The following SYTL5 variants were observed in gnomAD, a reference collection of about 807,000 sequenced individuals.
SYTL5 encodes synaptotagmin-like protein 5.
Under a neutral mutation model 55.9 loss-of-function variants are expected in SYTL5, and 34 were observed. The ratio of observed to expected loss-of-function variants is 0.61; its 90% CI spans 0.46 to 0.81. The LOEUF (loss-of-function observed/expected upper bound fraction) is 0.81, where lower values mean the gene tolerates loss of function less well. Among genes scored for constraint, SYTL5 ranks in the 30% least tolerant of loss-of-function variants. SYTL5 has a pLI of 0.00. For missense variants in SYTL5, 637 were observed against 546.7 expected, an observed-to-expected ratio of 1.17 and a Z score of -1.65; for synonymous variants, 221 against 188.7, an observed-to-expected ratio of 1.17 and a Z score of -1.40.
chrX:37,988,146 A>T, the SYTL5 span, among the ~76,000 whole-genome samples: 1 of 111,938 alleles, frequency 8.9e-6, no homozygotes, highest in African/African-American at 3.3e-5. Context: ...TAAAAGAGTG[A>T]GGCAGAGGCG....
chrX:37,986,825 G>C, the SYTL5 span, among the ~76,000 whole-genome samples: 1 of 112,009 alleles, frequency 8.9e-6, no homozygotes, highest in East Asian at 2.8e-4. Context: ...CAAGGGAGCA[G>C]TAAGCAGGTT....
the SYTL5 span, among the ~76,000 whole-genome samples, chrX:37,967,637 ACT>A: frequency 1.8e-5 from 2 of 110,282 alleles, no homozygotes; most frequent in Non-Finnish European, 3.8e-5. Context: ...TTATTTGAAT[ACT>A]CTTTCTGTCC....
intron 4 of SYTL5, among the ~76,000 whole-genome samples, chrX:38,072,437 A>G (rs1386242602): frequency 8.9e-6 from 1 of 112,679 alleles, no homozygotes; most frequent in Non-Finnish European, 1.9e-5. Flanking sequence ...CTCTTTCTGA[A>G]TGCATCCAAT....
the SYTL5 span, among the ~76,000 whole-genome samples, chrX:37,930,667 C>T: frequency 1.8e-5 from 2 of 112,120 alleles, no homozygotes; most frequent in Non-Finnish European, 3.8e-5. Context: ...TGATTAATTT[C>T]GCACAAAATG....
rs1936743653 is a variant in SYTL5 at position 38,089,538 on chromosome X, A to T, written c.782A>T (p.Gln261Leu). The change falls in exon 7 of 17, where the codon CAG (glutamine) becomes CTG (leucine). Residue 261 changes from glutamine (Q) to leucine (L), a missense_variant. By Grantham distance (113) the Gln-to-Leu change is moderately radical. Coordinates refer to ENST00000297875, the MANE Select transcript of SYTL5 (RefSeq NM_138780.3). ...AGCAATGGTGTGACCCCAGGCACTC[A>T]GAGTTCACCAGCCCCAAGCACACGA... ...SRSNGVTPGT[Q>L]SSPAPSTRTV... The T allele has an allele frequency of 8.3e-7, 1 of 1,211,148 alleles. No homozygotes were observed. Among genetic ancestry groups the T allele is most frequent in the Non-Finnish European group, 1.1e-6 (1 of 895,241 alleles).
chrX:38,054,489 A>G (rs1368246065), intron 3 of SYTL5, 67 bp downstream of exon 3: 8 of 989,156 alleles, frequency 8.1e-6, no homozygotes, highest in Non-Finnish European at 1.1e-5. Context: ...GGGGAAGGCA[A>G]AAGAGAAAAA....
chrX:37,903,232 T>C, the SYTL5 span, among the ~76,000 whole-genome samples: 12 of 110,024 alleles, frequency 1.1e-4, no homozygotes, highest in East Asian at 2.6e-3. Context: ...ATCATGCTGC[T>C]ATAAAGACAC....
chrX:37,997,232 T>C, the SYTL5 span, among the ~76,000 whole-genome samples: 1 of 112,390 alleles, frequency 8.9e-6, no homozygotes, highest in Admixed American at 9.3e-5. Context: ...GCACACTTTG[T>C]GGAGCTGGTG....
intron 1 of SYTL5, among the ~76,000 whole-genome samples, chrX:38,022,173 G>A (rs765239294): frequency 9.0e-6 from 1 of 111,391 alleles, no homozygotes; most frequent in Non-Finnish European, 1.9e-5. Context: ...TTATATAATT[G>A]CAAACCAGTA....
intron 6 of SYTL5, among the ~76,000 whole-genome samples, chrX:38,080,570 C>T (rs1003820732): frequency 1.8e-5 from 2 of 111,704 alleles, no homozygotes; most frequent in Non-Finnish European, 1.9e-5. Context: ...AGAGACCACA[C>T]CATTCAAACC....
At chrX:37,895,413 C>CTTCT in the SYTL5 span, among the ~76,000 whole-genome samples, 1 of 67,063 alleles carries the variant, frequency 1.5e-5, no homozygotes, top group African/African-American at 7.7e-5. Flanking sequence ...TTTTCTTTTC[C>CTTCT]TTCCTTCCTT....
the SYTL5 span, among the ~76,000 whole-genome samples, chrX:37,943,933 T>G: frequency 1.8e-5 from 2 of 111,458 alleles, no homozygotes; most frequent in Middle Eastern, 4.6e-3. Flanking sequence ...TACCCCTTTA[T>G]TTTTTTCTCT....
the SYTL5 span, among the ~76,000 whole-genome samples, chrX:37,969,053 G>C: frequency 9.0e-6 from 1 of 111,209 alleles, no homozygotes; most frequent in Non-Finnish European, 1.9e-5. Flanking sequence ...TGTTGCCCTG[G>C]CTTGTTCTTT....
At chrX:37,926,691 T>A in the SYTL5 span, among the ~76,000 whole-genome samples, 98 of 111,924 alleles carry the variant, frequency 8.8e-4, no homozygotes, top group Middle Eastern at 0.014. Flanking sequence ...TCTTAGCTAT[T>A]TTTTAAAAAA....
chrX:38,116,775 C>G (rs1460187872), intron 13 of SYTL5, among the ~76,000 whole-genome samples: 1 of 112,156 alleles, frequency 8.9e-6, no homozygotes, highest in Non-Finnish European at 1.9e-5. Flanking sequence ...GCCTAAAGAG[C>G]TTAGGGGACT....
rs1278064170 is a variant in SYTL5, at chrX:38,023,073, A to G, written c.-356-10461A>G. Among the ~76,000 whole-genome samples the G allele has an allele frequency of 1.3e-4, 15 of 112,383 alleles. No homozygotes were observed. The Admixed American group carries it at 1.4e-3, about 11-fold the overall frequency. ...GGGAAGACATCAAAGGGTATTCAGT[A>G]TAAAAGCAACAATTATCAATTTGTA... On this transcript the variant is annotated intron_variant, in intron 1 of 16. Transcript: ENST00000297875.
the SYTL5 span, among the ~76,000 whole-genome samples, chrX:37,986,905 A>G: frequency 8.9e-6 from 1 of 111,872 alleles, no homozygotes; most frequent in African/African-American, 3.3e-5. Flanking sequence ...TCTAGGGTAC[A>G]TGTGCACAAC....
chrX:37,996,827 G>A, the SYTL5 span, among the ~76,000 whole-genome samples: 1 of 111,657 alleles, frequency 9.0e-6, no homozygotes, highest in African/African-American at 3.3e-5. Flanking sequence ...GAGTACCTCC[G>A]TTACTCCCAA....
chrX:38,119,384 A>G (rs1015338238), intron 13 of SYTL5, among the ~76,000 whole-genome samples: 44 of 111,980 alleles, frequency 3.9e-4, no homozygotes, highest in African/African-American at 1.4e-3. Flanking sequence ...TCTGTTCTCC[A>G]TCTCTATAAT....
Sources: gnomAD v4.1 joint callset for allele counts (sites outside exome capture counted in the v4.1 genomes callset) on GRCh38, gnomAD v4.1.1 for gene constraint, MANE v1.5 for transcripts, NCBI Gene and HGNC (gene_info 2026-07-23, HGNC 2026-07-21) for gene names.